Variants in SPATA21 observed in about 807,000 individuals in gnomAD.
SPATA21 encodes the protein spermatogenesis-associated protein 21.
In SPATA21, 47 loss-of-function variants were observed where a neutral mutation model predicts 54.8. The ratio of observed to expected loss-of-function variants is 0.86; its 90% confidence interval spans 0.68 to 1.09. The LOEUF (loss-of-function observed/expected upper bound fraction) is 1.09. Ranked by LOEUF, SPATA21 falls within the 50% of genes least tolerant of loss-of-function variation. SPATA21 has a pLI of 0.00. For synonymous variants in SPATA21, 245 were observed against 235.3 expected (o/e 1.04, Z -0.38); for missense variants, 599 against 596.4 (o/e 1.00, Z -0.05).
At position 16,409,034 on chromosome 1, in the gene SPATA21, A is replaced by G; in HGVS notation, c.673+84T>C. The G allele has an allele frequency of 7.0e-7, 1 of 1,438,168 alleles. No homozygotes were observed. The highest frequency in any genetic ancestry group is 2.3e-5 in the East Asian group (1 of 43,500). 89.1% of individuals were successfully genotyped at this position (1,438,168 alleles called of 1,614,324 possible). A position where few individuals can be genotyped will look rare whatever the true frequency, so the allele number is the denominator to read the frequency against. On this transcript the variant is annotated intron_variant, in intron 7 of 12. Transcript: ENST00000335496. This position sits in a 1 kb window ranked among gnomAD's most constrained non-coding sequence, Gnocchi z 4.1. Reference sequence around the variant, plus strand: ...GCGGCAGCCATGTGATCTGGAAAGCACCCCAGTCCGCCCTGCGCCTATAAA... The same window carrying G: ...GCGGCAGCCATGTGATCTGGAAAGCGCCCCAGTCCGCCCTGCGCCTATAAA...
chr1:16,404,570 A>C (rs2085566966), intron 8 of SPATA21, among the ~76,000 whole-genome samples: 1 of 152,210 alleles, frequency 6.6e-6, no homozygotes, highest in Non-Finnish European at 1.5e-5. Context: ...TGATCCCAGC[A>C]CTTTGAGAGG....
Position 16,421,397 on chromosome 1 carries a change from C to T in SPATA21, c.144+112G>A. The T allele has an allele frequency of 9.1e-7, 1 of 1,094,178 alleles. No homozygotes were observed. Among genetic ancestry groups the T allele is most frequent in the Non-Finnish European group, 1.3e-6 (1 of 765,136 alleles). The allele number at this position is 1,094,178 out of a possible 1,614,324, so 67.8% of individuals were successfully genotyped here. On this transcript the variant is annotated intron_variant, in intron 5 of 12. Coordinates refer to ENST00000335496, the MANE Select transcript of SPATA21 (RefSeq NM_198546.1). This position sits in a 1 kb window ranked among gnomAD's most constrained non-coding sequence, Gnocchi z 5.2. ...GCCACACACACCTTCCTTGGTTTGA[C>T]TCCAAATAGGGGTTTGACGTGCCAC...
intron 7 of SPATA21, among the ~76,000 whole-genome samples, chr1:16,406,374 T>C (rs957893703): frequency 6.6e-6 from 1 of 152,116 alleles, no homozygotes; most frequent in Non-Finnish European, 1.5e-5. Context: ...AGATAGGGCC[T>C]TTAAAGAGGT....
chr1:16,399,561 A>G (rs545834924), intron 11 of SPATA21, 40 bp from the exon 12 acceptor site: 5 of 1,593,686 alleles, frequency 3.1e-6, no homozygotes, highest in Admixed American at 1.7e-5. Flanking sequence ...GCTTCACAGC[A>G]TGCCCAGCCT....
At chr1:16,418,186 C>T (rs2086069013) in intron 5 of SPATA21, among the ~76,000 whole-genome samples, 1 of 152,258 alleles carries the variant, frequency 6.6e-6, no homozygotes, top group Admixed American at 6.5e-5. Context: ...CCACAGTATC[C>T]AGCCCACGCT....
Sources: allele counts gnomAD v4.1 joint callset (sites outside exome capture counted in the v4.1 genomes callset), GRCh38; gene constraint gnomAD v4.1.1; non-coding constraint Gnocchi (gnomAD v3.1); transcripts MANE v1.5; gene names NCBI Gene and HGNC (gene_info 2026-07-23, HGNC 2026-07-21).